Variants in NEBL observed in about 807,000 individuals in gnomAD.
NEBL encodes LIM and SH3 protein 2.
NEBL carries 122 observed loss-of-function variants against 140.2 expected under a neutral mutation model. The observed-to-expected ratio is 0.87, with a 90% CI of 0.75 to 1.01. The LOEUF (loss-of-function observed/expected upper bound fraction) is 1.01, where lower values mean the gene tolerates loss of function less well. NEBL is among the 50% of genes least tolerant of loss of function. NEBL has a pLI of 0.00. For missense variants in NEBL, 1,365 were observed against 1,231.3 expected, an observed-to-expected ratio of 1.11 and a Z score of -1.62; for synonymous variants, 436 against 398.9, an observed-to-expected ratio of 1.09 and a Z score of -1.11.
chr10:21,198,300 T>C (rs181545412), intron 3 of NEBL, among the ~76,000 whole-genome samples: 34 of 152,292 alleles, frequency 2.2e-4, no homozygotes, highest in Non-Finnish European at 4.4e-5. Context: ...AAAGACCTTT[T>C]CCATATCTTT....
chr10:20,813,753 T>C lies in NEBL; in HGVS notation c.2346+186A>G, dbSNP rs1838405538. On this transcript the variant is annotated intron_variant, in intron 23 of 27. Transcript: ENST00000377122. ...CACCAGAAAAAGTCACTGAGAAAAA[T>C]CATTTTATTAGACTAAATGTTTCCA... The C allele has an allele frequency of 3.6e-5, 21 of 588,674 alleles. No individual in the cohort carries two copies. The South Asian group carries it at 4.2e-4, about 12-fold the overall frequency. 36.5% of individuals were successfully genotyped at this position (588,674 alleles called of 1,614,324 possible).
chr10:20,954,600 A>G (rs45606741), intron 4 of NEBL, among the ~76,000 whole-genome samples: 22,840 of 152,208 alleles, frequency 0.15, 2,075 homozygotes, highest in Non-Finnish European at 0.2. Flanking sequence ...TGAAAGGAAG[A>G]AAAGGGGGAA....
chr10:20,851,160 C>T (rs1027739320), intron 10 of NEBL, among the ~76,000 whole-genome samples: 8 of 152,134 alleles, frequency 5.3e-5, no homozygotes, highest in African/African-American at 1.7e-4. Context: ...AATATGTAAG[C>T]CATCACAATG....
At chr10:21,278,088 C>A (rs1842946295) in intron 1 of NEBL, among the ~76,000 whole-genome samples, 1 of 152,206 alleles carries the variant, frequency 6.6e-6, no homozygotes, top group African/African-American at 2.4e-5. Context: ...GAAACGCCAG[C>A]ACCACAGAAC....
chr10:21,144,695 C>G (rs1839808956), intron 2 of NEBL, among the ~76,000 whole-genome samples: 1 of 151,934 alleles, frequency 6.6e-6, no homozygotes, highest in Admixed American at 6.5e-5. Context: ...TCACTGCACT[C>G]CAGCCTGGGA....
chr10:21,065,921 C>A (rs770765530), intron 2 of NEBL, among the ~76,000 whole-genome samples: 5 of 152,192 alleles, frequency 3.3e-5, no homozygotes, highest in Non-Finnish European at 7.3e-5. Flanking sequence ...GACAGGCAAC[C>A]TTTCTAGTCT....
intron 1 of NEBL, among the ~76,000 whole-genome samples, chr10:21,279,064 A>G (rs1842958677): frequency 6.6e-6 from 1 of 152,264 alleles, no homozygotes; most frequent in East Asian, 1.9e-4. Context: ...AGAGGCGGGC[A>G]GAATTTCTCT....
chr10:20,810,190 A>C (rs1330043221), intron 24 of NEBL, among the ~76,000 whole-genome samples: 3 of 152,158 alleles, frequency 2.0e-5, no homozygotes, highest in Non-Finnish European at 4.4e-5. Flanking sequence ...CCCATCACAC[A>C]ACACAGGAGC....
intron 2 of NEBL, among the ~76,000 whole-genome samples, chr10:21,081,984 A>G (rs1307650203): frequency 6.6e-6 from 1 of 152,230 alleles, no homozygotes. Context: ...CATGTCAATT[A>G]CCTTCATCAA....
intron 3 of NEBL, among the ~76,000 whole-genome samples, chr10:21,242,197 C>A (rs967097917): frequency 1.5e-4 from 22 of 151,344 alleles, no homozygotes; most frequent in African/African-American, 4.6e-4. Context: ...AGAGCAAGAC[C>A]CTGTCTCAAA....
At chr10:20,932,224 G>A (rs1421217685) in intron 4 of NEBL, among the ~76,000 whole-genome samples, 2 of 152,134 alleles carry the variant, frequency 1.3e-5, no homozygotes, top group South Asian at 2.1e-4. Context: ...ATACACCATG[G>A]AATACTATGC....
intron 17 of NEBL, among the ~76,000 whole-genome samples, chr10:20,826,926 A>G (rs1839938574): frequency 6.6e-6 from 1 of 152,218 alleles, no homozygotes; most frequent in Non-Finnish European, 1.5e-5. Flanking sequence ...TCAAAAAGAA[A>G]ATGACATTTT....
chr10:20,845,508 A>C, intron 11 of NEBL, 140 bp from the exon 12 acceptor site: 1 of 604,006 alleles, frequency 1.7e-6, no homozygotes, highest in Non-Finnish European at 2.9e-6. Flanking sequence ...TCAACAGGGA[A>C]ATAAGTTCAA....
chr10:21,188,686 C>T (rs930150003), intron 3 of NEBL, among the ~76,000 whole-genome samples: 5 of 151,466 alleles, frequency 3.3e-5, no homozygotes, highest in African/African-American at 9.7e-5. Context: ...CTGCAACCTC[C>T]GCCTCCCGGG....
chr10:20,948,675 G>C (rs1420000366), intron 4 of NEBL, among the ~76,000 whole-genome samples: 1 of 152,220 alleles, frequency 6.6e-6, no homozygotes, highest in Non-Finnish European at 1.5e-5. Context: ...TTCATTTAGA[G>C]AAACTCACTT....
chr10:20,782,449 G>A lies in NEBL; in HGVS notation c.*3298C>T, dbSNP rs1283428194. The stretch of plus-strand genomic sequence containing the variant: ...AACCTGAAAACGAGGTACATCCCTT[G>A]AACTTCCACTATCTTTTTAGAAAAA... On this transcript the variant is annotated 3_prime_UTR_variant, in exon 28 of 28. Transcript: ENST00000377122. 6.6e-6 allele frequency: 1 copy of A among 152,544 alleles called. No homozygotes were observed. Among genetic ancestry groups the A allele is most frequent in the Non-Finnish European group, 1.5e-5 (1 of 68,044 alleles). The allele number at this position is 152,544 out of a possible 1,614,324, so 9.4% of individuals were successfully genotyped here.
upstream of NEBL, among the ~76,000 whole-genome samples, chr10:20,898,593 A>T (rs1847685741): frequency 6.6e-6 from 1 of 152,160 alleles, no homozygotes; most frequent in African/African-American, 2.4e-5. Context: ...AGGTTTCTTA[A>T]ACAAATATGT....
chr10:21,030,436 T>C, intron 2 of NEBL: 2 of 655,844 alleles, frequency 3.0e-6, no homozygotes, highest in South Asian at 1.4e-5. Context: ...AGGAAGACTG[T>C]CACTCTCCAA....
chr10:21,112,855 C>T (rs570687805), intron 2 of NEBL: 37 of 277,292 alleles, frequency 1.3e-4, no homozygotes, highest in Non-Finnish European at 2.3e-4. Flanking sequence ...GGTTCAGGGC[C>T]TGTACATATT....
Sources: gnomAD v4.1 joint callset for allele counts (sites outside exome capture counted in the v4.1 genomes callset) on GRCh38, gnomAD v4.1.1 for gene constraint, MANE v1.5 for transcripts, NCBI Gene and HGNC (gene_info 2026-07-23, HGNC 2026-07-21) for gene names.